AKAP13: variants seen among roughly 807,000 people sequenced by gnomAD.
AKAP13 encodes the protein A-kinase anchor protein 13.
AKAP13 carries 80 observed loss-of-function variants against 264.5 expected under a neutral mutation model. The ratio of observed to expected loss-of-function variants is 0.30; its 90% confidence interval spans 0.25 to 0.36. AKAP13 has a LOEUF of 0.36. Among genes scored for constraint, AKAP13 ranks in the 10% least tolerant of loss-of-function variants. The pLI, the probability that AKAP13 is intolerant of heterozygous loss-of-function variation, is 1.00. For synonymous variants in AKAP13, 1,380 were observed against 1,250.2 expected (o/e 1.10, Z -2.19); for missense variants, 3,712 against 3,435.2 (o/e 1.08, Z -2.01).
chr15:85,644,735 A>G (rs924145808), intron 9 of AKAP13, among the ~76,000 whole-genome samples: 1 of 150,386 alleles, frequency 6.6e-6, no homozygotes, highest in African/African-American at 2.4e-5. Context: ...GCATGGTGGC[A>G]CGTGCCTGTA....
rs778210531 is a variant in AKAP13 at position 85,635,087 on chromosome 15, A to ATTT, written c.4162-4286_4162-4285insTTT. ...GTTTTGATTCTTCTTCGGTAAATGA[A>ATTT]TGGAATGCTATGTTGTATGTAAGTA... On this transcript the variant is annotated intron_variant, in intron 8 of 36. Coordinates refer to ENST00000394518, the MANE Select transcript of AKAP13 (RefSeq NM_007200.5). 6.5e-5 allele frequency: 26 copies of ATTT among 398,120 alleles called. 1 individual carries two copies. Among genetic ancestry groups the ATTT allele is most frequent in the Non-Finnish European group, 9.7e-5 (22 of 225,860 alleles). 24.7% of individuals were successfully genotyped at this position (398,120 alleles called of 1,614,324 possible).
At chr15:85,663,460 TAA>T (rs2083450919) in intron 12 of AKAP13, among the ~76,000 whole-genome samples, 1 of 152,192 alleles carries the variant, frequency 6.6e-6, no homozygotes, top group South Asian at 2.1e-4. Context: ...TTCAGTTCGT[TAA>T]GTTATTTACA....
intron 17 of AKAP13, among the ~76,000 whole-genome samples, chr15:85,700,905 A>T (rs1016022068): frequency 3.3e-5 from 5 of 152,202 alleles, no homozygotes; most frequent in African/African-American, 1.2e-4. Flanking sequence ...TTAAATAAAG[A>T]AATTAGAGGT....
intron 8 of AKAP13, among the ~76,000 whole-genome samples, chr15:85,601,490 C>T (rs2080068334): frequency 6.6e-6 from 1 of 152,100 alleles, no homozygotes. Flanking sequence ...ACCCAAGATT[C>T]TATCCTTTTC....
chr15:85,384,907 T>C (rs2070474997), intron 1 of AKAP13, among the ~76,000 whole-genome samples: 1 of 152,212 alleles, frequency 6.6e-6, no homozygotes, highest in Non-Finnish European at 1.5e-5. Context: ...GACCTGGTAC[T>C]GAAATACCGT....
intron 14 of AKAP13, among the ~76,000 whole-genome samples, chr15:85,674,639 G>A (rs1418604552): frequency 6.6e-6 from 1 of 152,146 alleles, no homozygotes; most frequent in Non-Finnish European, 1.5e-5. Flanking sequence ...GACAGCTAAG[G>A]CCATCTTGAG....
At position 85,718,092 on chromosome 15, in the gene AKAP13, G is replaced by C; in HGVS notation, c.5934G>C (p.Arg1978=). The C allele has an allele frequency of 1.9e-6, 3 of 1,614,148 alleles. No individual in the cohort carries two copies. The highest frequency in any genetic ancestry group is 2.5e-6 in the Non-Finnish European group (3 of 1,180,008). ...AGCTGGAAGCAGAGTCTTGGAGTCG[G>C]ATAATAGACAGCAAGTTTCTAAAAC... ...SKQLEAESWS[R]IIDSKFLKQQ... The change falls in exon 22 of 37, where the codon CGG becomes CGC. Residue 1978 remains arginine, a synonymous_variant. Transcript: ENST00000394518. The surrounding 1 kb of genome is among the most constrained non-coding windows in gnomAD (Gnocchi z 4.9).
At position 85,543,816 on chromosome 15, in the gene AKAP13, G is replaced by C; in HGVS notation, c.523G>C (p.Gly175Arg). 6.2e-7 allele frequency: 1 copy of C among 1,613,920 alleles called. No individual in the cohort carries two copies. The highest frequency in any genetic ancestry group is 1.3e-5 in the African/African-American group (1 of 75,000). The change falls in exon 5 of 37, where the codon GGA becomes CGA. Residue 175 changes from glycine (G) to arginine (R), a missense_variant. Coordinates refer to ENST00000394518, the MANE Select transcript of AKAP13 (RefSeq NM_007200.5). ...ETLMHFAVRL[G>R]LLRLTWFLLQ... ...ATTGATGCATTTTGCTGTGCGGCTG[G>C]GACTGCTGAGGTTGACGTGGTTCCT...
At position 85,715,931 on chromosome 15, in the gene AKAP13, GAGATATTTAA is replaced by G; in HGVS notation, c.5735+14_5735+23del. On this transcript the variant is annotated intron_variant, in intron 20 of 36. Coordinates refer to ENST00000394518, the MANE Select transcript of AKAP13 (RefSeq NM_007200.5). ...CATACAGAACATTACTGGGTAAGTGGAGATATTTAAAGATAGCACAGTTGGCATCTAGGTG... is the reference window on the plus strand; with the variant it reads ...CATACAGAACATTACTGGGTAAGTGGAGATAGCACAGTTGGCATCTAGGTG... 6.2e-7 allele frequency: 1 copy of G among 1,609,920 alleles called. No homozygotes were observed. Among genetic ancestry groups the G allele is most frequent in the Non-Finnish European group, 8.5e-7 (1 of 1,178,814 alleles).
chr15:85,520,201 A>G (rs1002684741), intron 2 of AKAP13, among the ~76,000 whole-genome samples: 3 of 152,212 alleles, frequency 2.0e-5, no homozygotes, highest in Non-Finnish European at 4.4e-5. Context: ...AAAAACTACT[A>G]AAGAGTATTT....
chr15:85,644,292 C>T (rs1452795419), intron 9 of AKAP13, among the ~76,000 whole-genome samples: 2 of 149,136 alleles, frequency 1.3e-5, no homozygotes, highest in Non-Finnish European at 3.0e-5. Context: ...AGTGCAATGG[C>T]GTGATCTTGG....
intron 8 of AKAP13, chr15:85,619,817 T>G: frequency 1.6e-6 from 2 of 1,237,962 alleles, no homozygotes; most frequent in East Asian, 3.6e-5. Flanking sequence ...TTAGGTGGTA[T>G]TTATTGTTTA....
chr15:85,579,672 A>T lies in AKAP13; in HGVS notation c.1604A>T (p.Asn535Ile), dbSNP rs754400666. ...CCTGTGGATAAAATCAGTGTTCCAAACTGTGCCCCTGCTGCCAGTTCCCTG... is the reference window on the plus strand; with the variant it reads ...CCTGTGGATAAAATCAGTGTTCCAATCTGTGCCCCTGCTGCCAGTTCCCTG... Reference protein sequence around the residue: ...SKPVDKISVPNCAPAASSLDG... With the variant: ...SKPVDKISVPICAPAASSLDG... The change falls in exon 7 of 37, where the codon AAC becomes ATC. Residue 535 changes from asparagine (N) to isoleucine (I), a missense_variant. This residue lies in a region of AKAP13 where 2,759 missense variants were observed against 2,411.7 expected (regional missense o/e 1.14). Coordinates refer to ENST00000394518, the MANE Select transcript of AKAP13 (RefSeq NM_007200.5). 6.2e-7 allele frequency: 1 copy of T among 1,614,144 alleles called. No homozygotes were observed. The highest frequency in any genetic ancestry group is 1.1e-5 in the South Asian group (1 of 91,080).
chr15:85,503,518 G>T (rs2076094499), intron 2 of AKAP13, among the ~76,000 whole-genome samples: 1 of 152,128 alleles, frequency 6.6e-6, no homozygotes, highest in Non-Finnish European at 1.5e-5. Context: ...GTTGTACCCT[G>T]GGTTAGGAAT....
At chr15:85,423,756 A>G (rs1240443342) in intron 1 of AKAP13, among the ~76,000 whole-genome samples, 1 of 152,252 alleles carries the variant, frequency 6.6e-6, no homozygotes, top group Non-Finnish European at 1.5e-5. Context: ...GCCCAGATTC[A>G]TCAGAGGATG....
At chr15:85,442,495 ATATT>A (rs1462637816) in intron 1 of AKAP13, among the ~76,000 whole-genome samples, 1 of 107,898 alleles carries the variant, frequency 9.3e-6, no homozygotes, top group Non-Finnish European at 1.9e-5. Context: ...TATATAATAT[ATATT>A]ATATTATATA....
chr15:85,614,935 G>A (rs573027384), intron 8 of AKAP13, among the ~76,000 whole-genome samples: 1 of 152,284 alleles, frequency 6.6e-6, no homozygotes, highest in African/African-American at 2.4e-5. Flanking sequence ...CAGAAGACTT[G>A]TCCTCAAGAT....
intron 1 of AKAP13, among the ~76,000 whole-genome samples, chr15:85,411,565 G>A (rs7350764): frequency 0.55 from 83,187 of 151,820 alleles, 23,652 homozygotes; most frequent in African/African-American, 0.66. Flanking sequence ...AGCCTCCTGA[G>A]TAGCTGGGAC....
intron 10 of AKAP13, among the ~76,000 whole-genome samples, chr15:85,648,380 A>G (rs1453290007): frequency 1.3e-5 from 2 of 152,220 alleles, no homozygotes; most frequent in Non-Finnish European, 2.9e-5. Context: ...ATCTCTGCAG[A>G]CTCAGAGTTA....
Sources: gnomAD v4.1 joint callset for allele counts (sites outside exome capture counted in the v4.1 genomes callset) on GRCh38, gnomAD v4.1.1 for gene constraint, gnomAD v4.1.1 regional missense constraint, Gnocchi (gnomAD v3.1) non-coding constraint, MANE v1.5 for transcripts, NCBI Gene and HGNC (gene_info 2026-07-23, HGNC 2026-07-21) for gene names.